SSBP2: variants seen among roughly 807,000 people sequenced by gnomAD.
SSBP2 encodes the protein single stranded DNA binding protein 2.
In SSBP2, 17 loss-of-function variants were observed where a neutral mutation model predicts 61.8. The observed-to-expected ratio is 0.28, with a 90% CI of 0.19 to 0.41. SSBP2 has a LOEUF of 0.41. Among genes scored for constraint, SSBP2 ranks in the 10% least tolerant of loss-of-function variants. The pLI is 1.00. For synonymous variants in SSBP2, 139 were observed against 141.3 expected (o/e 0.98, Z 0.12); for missense variants, 310 against 458.7 (o/e 0.68, Z 2.96).
intron 5 of SSBP2, among the ~76,000 whole-genome samples, chr5:81,492,460 C>T (rs1307809029): frequency 3.9e-5 from 6 of 152,226 alleles, no homozygotes; most frequent in South Asian, 2.1e-4. Flanking sequence ...ACGGAGATCA[C>T]GCCACTGCAC....
chr5:81,665,516 C>T (rs1434139550), intron 1 of SSBP2, among the ~76,000 whole-genome samples: 2 of 152,062 alleles, frequency 1.3e-5, no homozygotes, highest in East Asian at 3.9e-4. Context: ...TTAATTGAGA[C>T]AGAGTCTCAC....
chr5:81,609,297 T>C (rs1485412326), intron 4 of SSBP2, among the ~76,000 whole-genome samples: 2 of 152,236 alleles, frequency 1.3e-5, no homozygotes, highest in African/African-American at 2.4e-5. Flanking sequence ...ATATACCTTA[T>C]ATTTTTCCAA....
intron 1 of SSBP2, among the ~76,000 whole-genome samples, chr5:81,737,579 G>A (rs2154008598): frequency 6.6e-6 from 1 of 151,882 alleles, no homozygotes; most frequent in African/African-American, 2.4e-5. Context: ...TCAGGAGACT[G>A]AGACCATACT....
intron 4 of SSBP2, among the ~76,000 whole-genome samples, chr5:81,604,059 A>G (rs1339937681): frequency 1.3e-5 from 2 of 152,144 alleles, no homozygotes; most frequent in African/African-American, 4.8e-5. Flanking sequence ...AGGGGAGCAG[A>G]CTACTTAGAA....
At chr5:81,521,430 T>G (rs1331125021) in intron 4 of SSBP2, among the ~76,000 whole-genome samples, 1 of 152,026 alleles carries the variant, frequency 6.6e-6, no homozygotes, top group Non-Finnish European at 1.5e-5. Context: ...TGAGTTTTAA[T>G]TTTTATACAT....
intron 3 of SSBP2, chr5:81,616,331 A>G (rs1415741834): frequency 3.4e-5 from 5 of 145,554 alleles, no homozygotes; most frequent in African/African-American, 1.3e-4. Flanking sequence ...GAGTCAAAGA[A>G]AGGGGTGACG....
intron 4 of SSBP2, among the ~76,000 whole-genome samples, chr5:81,577,033 T>A (rs1355947561): frequency 6.6e-6 from 1 of 152,066 alleles, no homozygotes; most frequent in Non-Finnish European, 1.5e-5. Context: ...ATTAAATGTT[T>A]CGTGCATATT....
intron 10 of SSBP2, among the ~76,000 whole-genome samples, chr5:81,451,266 T>C (rs907549283): frequency 2.6e-5 from 4 of 152,160 alleles, no homozygotes; most frequent in Admixed American, 2.6e-4. Flanking sequence ...GCTCTTACTA[T>C]ACCTTCATTT....
intron 3 of SSBP2, chr5:81,616,721 A>G (rs1746089412): frequency 6.7e-6 from 1 of 148,274 alleles, no homozygotes; most frequent in Non-Finnish European, 1.5e-5. Context: ...CTTTGAAGAG[A>G]GCAGTGGTTC....
chr5:81,437,543 T>C, intron 14 of SSBP2, 85 bp from the exon 15 acceptor site: 2 of 1,224,718 alleles, frequency 1.6e-6, no homozygotes, highest in East Asian at 2.4e-5. Context: ...ATAAGTGAAG[T>C]ATACTATATG....
intron 1 of SSBP2, among the ~76,000 whole-genome samples, chr5:81,715,681 C>T (rs1755121735): frequency 6.6e-6 from 1 of 152,124 alleles, no homozygotes; most frequent in African/African-American, 2.4e-5. Context: ...ATCATGTAAA[C>T]ATTAAATACT....
chr5:81,698,995 C>T (rs981686745), intron 1 of SSBP2, among the ~76,000 whole-genome samples: 2 of 152,182 alleles, frequency 1.3e-5, no homozygotes, highest in African/African-American at 4.8e-5. Context: ...GTAAAGTGAA[C>T]ACTACAATAA....
At chr5:81,528,126 G>A (rs1294864015) in intron 4 of SSBP2, among the ~76,000 whole-genome samples, 3 of 151,922 alleles carry the variant, frequency 2.0e-5, no homozygotes, top group Non-Finnish European at 4.4e-5. Flanking sequence ...AACACTAAAG[G>A]GACAGGCCTG....
intron 1 of SSBP2, among the ~76,000 whole-genome samples, chr5:81,741,122 G>A (rs1333360776): frequency 1.3e-5 from 2 of 152,126 alleles, no homozygotes; most frequent in African/African-American, 2.4e-5. Context: ...TGTGGCCCTG[G>A]ACAAAATATA....
intron 1 of SSBP2, among the ~76,000 whole-genome samples, chr5:81,682,972 A>G (rs145819694): frequency 1.2e-4 from 18 of 152,200 alleles, no homozygotes; most frequent in Non-Finnish European, 2.5e-4. Context: ...TACAAGATCT[A>G]TATGAGGAGA....
intron 1 of SSBP2, among the ~76,000 whole-genome samples, chr5:81,741,780 A>C (rs1757040889): frequency 6.6e-6 from 1 of 152,188 alleles, no homozygotes; most frequent in African/African-American, 2.4e-5. Context: ...ATCAGCTTTC[A>C]CTCATGATGT....
intron 3 of SSBP2, chr5:81,615,937 T>C: frequency 6.3e-6 from 1 of 159,136 alleles, no homozygotes; most frequent in Non-Finnish European, 1.4e-5. Context: ...AATCAAGTGG[T>C]CCATTGATTT....
At chr5:81,610,799 GC>G (rs1455699722) in intron 4 of SSBP2, among the ~76,000 whole-genome samples, 8 of 152,142 alleles carry the variant, frequency 5.3e-5, no homozygotes, top group Non-Finnish European at 1.0e-4. Context: ...TTTCAGACCA[GC>G]CTGATCAACA....
At chr5:81,593,606 C>T (rs1373631194) in intron 4 of SSBP2, among the ~76,000 whole-genome samples, 1 of 152,110 alleles carries the variant, frequency 6.6e-6, no homozygotes, top group Non-Finnish European at 1.5e-5. Flanking sequence ...GTTGGGTTAC[C>T]CACAAAGGGA....
Sources: allele counts gnomAD v4.1 joint callset (sites outside exome capture counted in the v4.1 genomes callset), GRCh38; gene constraint gnomAD v4.1.1; transcripts MANE v1.5; gene names NCBI Gene and HGNC (gene_info 2026-07-23, HGNC 2026-07-21).